Variants in DAAM1 observed in about 807,000 individuals in gnomAD.
DAAM1 encodes the protein dishevelled associated activator of morphogenesis 1, also known as disheveled-associated activator of morphogenesis 1.
Under a neutral mutation model 130.0 loss-of-function variants are expected in DAAM1, and 52 were observed. That is an observed-to-expected ratio of 0.40 (90% CI 0.32 to 0.50). The LOEUF (loss-of-function observed/expected upper bound fraction) is 0.50. DAAM1 is among the 20% of genes least tolerant of loss of function. The probability of loss-of-function intolerance (pLI) is 0.61; values close to 1 mark genes in which losing one functional copy is unlikely to be tolerated. For missense variants in DAAM1, 1,134 were observed against 1,303.8 expected, an observed-to-expected ratio of 0.87 and a Z score of 2.01; for synonymous variants, 452 against 444.5, an observed-to-expected ratio of 1.02 and a Z score of -0.21.
intron 2 of DAAM1, among the ~76,000 whole-genome samples, chr14:59,281,091 T>G (rs969554343): frequency 6.6e-6 from 1 of 152,134 alleles, no homozygotes; most frequent in Non-Finnish European, 1.5e-5. Context: ...GAGTTGACAG[T>G]CGACTTGCAA....
At chr14:59,219,569 A>G (rs1480687098) in intron 1 of DAAM1, among the ~76,000 whole-genome samples, 1 of 152,046 alleles carries the variant, frequency 6.6e-6, no homozygotes, top group Non-Finnish European at 1.5e-5. Flanking sequence ...TTCTTAGTCC[A>G]TGGTAAATTT....
chr14:59,368,501 C>A, intron 24 of DAAM1, 149 bp from the exon 25 acceptor site: 1 of 777,152 alleles, frequency 1.3e-6, no homozygotes, highest in Non-Finnish European at 2.0e-6. Flanking sequence ...TGTTCCAATT[C>A]CCCCTTTCTT....
intron 1 of DAAM1, among the ~76,000 whole-genome samples, chr14:59,234,644 C>G (rs958204219): frequency 6.6e-6 from 1 of 152,112 alleles, no homozygotes; most frequent in African/African-American, 2.4e-5. Context: ...ATTGCCATGG[C>G]CAGAACTCCC....
At chr14:59,240,617 G>C (rs1039174593) in intron 1 of DAAM1, among the ~76,000 whole-genome samples, 11 of 152,092 alleles carry the variant, frequency 7.2e-5, no homozygotes, top group Non-Finnish European at 1.0e-4. Context: ...CTTCATTTTG[G>C]GGTAGCTTCT....
chr14:59,196,715 C>T (rs1287239764), intron 1 of DAAM1, among the ~76,000 whole-genome samples: 1 of 151,750 alleles, frequency 6.6e-6, no homozygotes, highest in Non-Finnish European at 1.5e-5. Context: ...TGCACTCCAG[C>T]CTGGGTGACA....
intron 2 of DAAM1, among the ~76,000 whole-genome samples, chr14:59,270,041 A>C (rs766567964): frequency 2.0e-5 from 3 of 152,194 alleles, no homozygotes; most frequent in Non-Finnish European, 2.9e-5. Context: ...TCAGTGAACC[A>C]AATATAATGA....
At chr14:59,217,964 C>CT (rs1228151936) in intron 1 of DAAM1, among the ~76,000 whole-genome samples, 1 of 149,608 alleles carries the variant, frequency 6.7e-6, no homozygotes, top group Non-Finnish European at 1.5e-5. Flanking sequence ...CAGAGCGACT[C>CT]TGTCTCAAAA....
intron 20 of DAAM1, among the ~76,000 whole-genome samples, chr14:59,358,451 G>T (rs563323208): frequency 3.1e-4 from 47 of 152,328 alleles, no homozygotes; most frequent in African/African-American, 1.1e-3. Flanking sequence ...GGGCTGCTAG[G>T]ATATCACATG....
intron 1 of DAAM1, among the ~76,000 whole-genome samples, chr14:59,221,010 A>G (rs1299765106): frequency 6.6e-6 from 1 of 152,248 alleles, no homozygotes; most frequent in Non-Finnish European, 1.5e-5. Context: ...TAACCCAGTC[A>G]AATTACACAA....
intron 1 of DAAM1, among the ~76,000 whole-genome samples, chr14:59,225,715 G>T (rs1888920656): frequency 6.6e-6 from 1 of 152,150 alleles, no homozygotes; most frequent in Non-Finnish European, 1.5e-5. Flanking sequence ...CCTTGGGCCA[G>T]CTTTAGCCCT....
chr14:59,196,909 C>T (rs936711445), intron 1 of DAAM1, among the ~76,000 whole-genome samples: 1 of 152,140 alleles, frequency 6.6e-6, no homozygotes, highest in Non-Finnish European at 1.5e-5. Context: ...CTGTTCAAGG[C>T]AACCCATTTG....
intron 1 of DAAM1, among the ~76,000 whole-genome samples, chr14:59,220,693 G>A (rs921636331): frequency 2.0e-5 from 3 of 152,170 alleles, no homozygotes; most frequent in Non-Finnish European, 4.4e-5. Context: ...ATAGCCAATG[G>A]TGGTGCTGGC....
At chr14:59,255,775 A>G (rs1205636994) in intron 1 of DAAM1, among the ~76,000 whole-genome samples, 1 of 152,234 alleles carries the variant, frequency 6.6e-6, no homozygotes, top group Non-Finnish European at 1.5e-5. Flanking sequence ...TTATAGTACC[A>G]GAACAATGAC....
At chr14:59,346,146 G>T (rs901576708) in intron 16 of DAAM1, among the ~76,000 whole-genome samples, 6 of 148,622 alleles carry the variant, frequency 4.0e-5, no homozygotes, top group East Asian at 2.0e-4. Context: ...TTTGGGGGGG[G>T]GGGGGTGCCT....
intron 1 of DAAM1, among the ~76,000 whole-genome samples, chr14:59,243,021 A>G (rs139924524): frequency 6.6e-6 from 1 of 152,140 alleles, no homozygotes; most frequent in South Asian, 2.1e-4. Flanking sequence ...ACAATAAGGG[A>G]TGGTATTTTT....
chr14:59,338,127 T>C (rs1885698860), intron 15 of DAAM1, among the ~76,000 whole-genome samples: 1 of 152,154 alleles, frequency 6.6e-6, no homozygotes, highest in Non-Finnish European at 1.5e-5. Context: ...CTGAATTTGA[T>C]TTTCCACCAT....
At position 59,263,533 on chromosome 14, in the gene DAAM1, G is replaced by A. The variant is rs772452537; in HGVS notation, c.56G>A (p.Arg19Gln). 6 of 1,614,160 alleles carry A rather than the reference G, an allele frequency of 3.7e-6. No homozygotes were observed. The highest frequency in any genetic ancestry group is 1.3e-5 in the African/African-American group (1 of 75,040). The change falls in exon 2 of 25, where the codon CGA becomes CAA. Residue 19 changes from arginine to glutamine, a missense_variant. Physicochemically the swap from Arg to Gln is conservative, Grantham distance 43. Transcript: ENST00000360909. ...ATTTCATTCATCTTTTGCTGTTTCC[G>A]AAATAATGATCACCCAGAAATCACG... ...RGISFIFCCF[R>Q]NNDHPEITYR... is the part of the protein sequence containing the mutation.
chr14:59,364,156 G>A (rs1046777528), intron 23 of DAAM1, among the ~76,000 whole-genome samples: 1 of 152,096 alleles, frequency 6.6e-6, no homozygotes, highest in Non-Finnish European at 1.5e-5. Context: ...TGAAAACCAG[G>A]GGCAGCATCA....
At chr14:59,253,313 T>G (rs549673233) in intron 1 of DAAM1, among the ~76,000 whole-genome samples, 6 of 152,348 alleles carry the variant, frequency 3.9e-5, no homozygotes, top group African/African-American at 1.4e-4. Flanking sequence ...GTCTATCAGT[T>G]TTTCCCTAAC....
Sources: gnomAD v4.1 joint callset for allele counts (sites outside exome capture counted in the v4.1 genomes callset) on GRCh38, gnomAD v4.1.1 for gene constraint, MANE v1.5 for transcripts, NCBI Gene and HGNC (gene_info 2026-07-23, HGNC 2026-07-21) for gene names.